Variants in CCDC187 observed in about 807,000 individuals in gnomAD.
CCDC187 encodes coiled-coil domain containing 187, also known as coiled-coil domain-containing protein 187.
Under a neutral mutation model 38.0 loss-of-function variants are expected in CCDC187, and 32 were observed. The observed-to-expected ratio is 0.84, with a 90% CI of 0.64 to 1.13. CCDC187 has a LOEUF of 1.13. CCDC187 is among the 50% of genes most tolerant of loss of function. The pLI, the probability that CCDC187 is intolerant of heterozygous loss-of-function variation, is 0.00. For synonymous variants in CCDC187, 333 were observed against 347.9 expected (o/e 0.96, Z 0.48); for missense variants, 707 against 786.8 (o/e 0.90, Z 1.21).
intron 18 of CCDC187, among the ~76,000 whole-genome samples, chr9:136,262,751 C>A (rs1554761144): frequency 2.0e-5 from 3 of 152,234 alleles, no homozygotes; most frequent in Non-Finnish European, 4.4e-5. Context: ...CCCTCTCCTG[C>A]AGCCCAGCCT....
chr9:136,267,601 G>A (rs976503726), intron 15 of CCDC187, 90 bp from the exon 16 acceptor site: 1 of 985,530 alleles, frequency 1.0e-6, no homozygotes, highest in Non-Finnish European at 1.2e-6. Context: ...CCGCGTCACC[G>A]CCTAGCTTCT....
chr9:136,289,563 G>A (rs2131299434), intron 7 of CCDC187, among the ~76,000 whole-genome samples: 1 of 151,230 alleles, frequency 6.6e-6, no homozygotes, highest in African/African-American at 2.4e-5. Context: ...ATCCGTCGAG[G>A]CAGAAAGGAG....
chr9:136,305,862 A>T (rs907857242), upstream of CCDC187, among the ~76,000 whole-genome samples: 1 of 152,042 alleles, frequency 6.6e-6, no homozygotes, highest in South Asian at 2.1e-4. Flanking sequence ...GCCCTGGGGG[A>T]CAGCGGAGCG....
upstream of CCDC187, among the ~76,000 whole-genome samples, chr9:136,306,515 C>T (rs1178610128): frequency 3.9e-5 from 6 of 152,186 alleles, no homozygotes; most frequent in South Asian, 2.1e-4. Flanking sequence ...CAGTGCACCA[C>T]GCGCCGTGGC....
Position 136,292,383 on chromosome 9 carries a change from G to A in CCDC187, c.833-88C>T, listed in dbSNP as rs1044970156. ...CGGGGAGGTTGGTGGCTCTGCAAGC[G>A]CCAGGAGGCCACTTCAACACTCCCA... On this transcript the variant is annotated intron_variant, in intron 4 of 25. Transcript: ENST00000638797. The A allele has an allele frequency of 1.4e-3, 549 of 397,808 alleles. 3 individuals carry two copies. The highest frequency in any genetic ancestry group is 0.01 in the African/African-American group (504 of 48,750). 24.6% of individuals were successfully genotyped at this position (397,808 alleles called of 1,614,324 possible). A position where few individuals can be genotyped will look rare whatever the true frequency, so the allele number is the denominator to read the frequency against.
rs1554759332 is a variant in CCDC187, at chr9:136,251,085, C to G, written c.*2509G>C. On this transcript the variant is annotated 3_prime_UTR_variant, in exon 26 of 26. Transcript: ENST00000638797. Reference sequence around the variant, plus strand: ...TGCTCCTCTCTGAAGTGGAGGAGGCCTGAGGCCCTGGACAGGAGAAGCCAC... The same window carrying G: ...TGCTCCTCTCTGAAGTGGAGGAGGCGTGAGGCCCTGGACAGGAGAAGCCAC... The G allele has an allele frequency of 2.2e-6, 1 of 453,202 alleles. No homozygotes were observed. The highest frequency in any genetic ancestry group is 4.5e-6 in the Non-Finnish European group (1 of 224,416). 28.1% of individuals were successfully genotyped at this position (453,202 alleles called of 1,614,324 possible).
rs1327447547 is a variant in CCDC187, at chr9:136,259,303, G to GT, written c.4296+59_4296+60insA. On this transcript the variant is annotated intron_variant, in intron 21 of 25. Transcript: ENST00000638797. ...AAGTCACAGATTGGCAGAATGTTGG[G>GT]GGGGGGTGGTCCCTGAAACAGGCGG... 9 of 683,494 alleles carry GT rather than the reference G, an allele frequency of 1.3e-5. 1 individual carries two copies. In the African/African-American group the frequency reaches 1.8e-4, roughly 14 times the overall value. The allele number at this position is 683,494 out of a possible 1,614,324, so 42.3% of individuals were successfully genotyped here.
chr9:136,289,045 A>G (rs1232167359), intron 7 of CCDC187, among the ~76,000 whole-genome samples: 2 of 152,240 alleles, frequency 1.3e-5, no homozygotes, highest in Non-Finnish European at 2.9e-5. Flanking sequence ...GGTTGTGAAG[A>G]AAAGGTCACC....
rs192003117 is a variant in CCDC187 at position 136,252,233 on chromosome 9, A to T, written c.*1361T>A. On this transcript the variant is annotated 3_prime_UTR_variant, in exon 26 of 26. Transcript: ENST00000638797. ...CCTGGGAAGAGCCGGCCGCCCACCC[A>T]GTCCACCCCGGGAAGGTCCAGGCGA... The T allele has an allele frequency of 3.8e-5, 2 of 52,392 alleles. No homozygotes were observed. Among genetic ancestry groups the T allele is most frequent in the East Asian group, 1.1e-3 (2 of 1,786 alleles). 3.2% of individuals were successfully genotyped at this position (52,392 alleles called of 1,614,324 possible). A position where few individuals can be genotyped will look rare whatever the true frequency, so the allele number is the denominator to read the frequency against.
chr9:136,256,758 G>A lies in CCDC187; in HGVS notation c.4450C>T (p.Arg1484Cys), dbSNP rs1484526573. ...TDSHVGSFRE[R>C]SRRSCGREGP... ...TCTCTGCCGCAGGAGCGTCGGCTGCGTTCCCTGAAGCTCCCCACATGGCTG... is the reference window on the plus strand; with the variant it reads ...TCTCTGCCGCAGGAGCGTCGGCTGCATTCCCTGAAGCTCCCCACATGGCTG... Residue 1484 changes from arginine (R) to cysteine (C), a missense_variant, in exon 23 of 26, where the codon CGC becomes TGC. Coordinates refer to ENST00000638797, the MANE Select transcript of CCDC187 (RefSeq NM_001378188.1). The A allele has an allele frequency of 3.9e-5, 6 of 152,210 alleles. No individual in the cohort carries two copies. Among genetic ancestry groups the A allele is most frequent in the Non-Finnish European group, 7.3e-5 (5 of 68,052 alleles). 9.4% of individuals were successfully genotyped at this position (152,210 alleles called of 1,614,324 possible).
intron 4 of CCDC187, among the ~76,000 whole-genome samples, chr9:136,293,713 TTCACATGCTC>T (rs1430017090): frequency 2.7e-5 from 4 of 146,730 alleles, no homozygotes; most frequent in Non-Finnish European, 6.0e-5. Flanking sequence ...GTCACATGCT[TTCACATGCTC>T]ACTCATGCAT....
chr9:136,255,793 G>T (rs967502983), intron 24 of CCDC187, 60 bp from the exon 25 acceptor site: 1 of 879,480 alleles, frequency 1.1e-6, no homozygotes, highest in Non-Finnish European at 1.4e-6. Flanking sequence ...CTCTTCCCCA[G>T]GGCCCACTGT....
intron 7 of CCDC187, among the ~76,000 whole-genome samples, chr9:136,289,124 G>A (rs1210423728): frequency 1.3e-5 from 2 of 152,140 alleles, no homozygotes; most frequent in South Asian, 2.1e-4. Context: ...ACATGAATGA[G>A]CCTGGAAAAC....
chr9:136,292,774 C>T (rs1831366742), intron 4 of CCDC187, among the ~76,000 whole-genome samples: 4 of 152,178 alleles, frequency 2.6e-5, no homozygotes, highest in Admixed American at 1.3e-4. Flanking sequence ...CCACGTGTGC[C>T]GAGCCACAGG....
rs981863102 is a variant in CCDC187 at position 136,290,658 on chromosome 9, C to T, written c.1955G>A (p.Arg652Gln). The T allele has an allele frequency of 3.5e-5, 14 of 398,384 alleles. No homozygotes were observed. In the South Asian group the frequency reaches 1.1e-3, roughly 33 times the overall value. The allele number at this position is 398,384 out of a possible 1,614,324, so 24.7% of individuals were successfully genotyped here. ...CGAGGCCTTCTCCTCCAGGGCCTGC[C>T]GCCGCCGGGCCTGCGCCTTCTGGCG... ...FMRQKAQARR[R>Q]QALEEKASAL... Residue 652 changes from arginine to glutamine, a missense_variant, in exon 6 of 26, where the codon CGG (arginine) becomes CAG (glutamine). Coordinates refer to ENST00000638797, the MANE Select transcript of CCDC187 (RefSeq NM_001378188.1).
At position 136,302,926 on chromosome 9, in the gene CCDC187, A is replaced by G. The variant is rs957340349; in HGVS notation, c.511T>C (p.Ser171Pro). The stretch of plus-strand genomic sequence containing the variant: ...CTGGAGGGGGCTGAGGTGCCCAGGG[A>G]CGCACAGCTCCCCTGCTGCCACGCC... ...AQAWQQGSCA[S>P]LGTSAPSSAS... The change falls in exon 2 of 26, where the codon TCC becomes CCC. Residue 171 changes from serine to proline, a missense_variant. By Grantham distance (74) the Ser-to-Pro change is moderately conservative (BLOSUM62 -1). Coordinates refer to ENST00000638797, the MANE Select transcript of CCDC187 (RefSeq NM_001378188.1). 16 of 398,460 alleles carry G rather than the reference A, an allele frequency of 4.0e-5. No homozygotes were observed. In the Admixed American group the frequency reaches 6.6e-4, roughly 16 times the overall value. 24.7% of individuals were successfully genotyped at this position (398,460 alleles called of 1,614,324 possible). A position where few individuals can be genotyped will look rare whatever the true frequency, so the allele number is the denominator to read the frequency against.
rs1306553351 is a variant in CCDC187, at chr9:136,258,546, G to A, written c.4366+386C>T. Among the ~76,000 whole-genome samples the A allele has an allele frequency of 6.6e-6, 1 of 152,144 alleles. No individual in the cohort carries two copies. Among genetic ancestry groups the A allele is most frequent in the African/African-American group, 2.4e-5 (1 of 41,418 alleles). Reference sequence around the variant, plus strand: ...AAATTGGGGACTTGGCTCTCGGGGGGGGCCCCGGCCAAGTGTAAGGTTCAG... The same window carrying A: ...AAATTGGGGACTTGGCTCTCGGGGGAGGCCCCGGCCAAGTGTAAGGTTCAG... On this transcript the variant is annotated intron_variant, in intron 22 of 25. Coordinates refer to ENST00000638797, the MANE Select transcript of CCDC187 (RefSeq NM_001378188.1). This position sits in a 1 kb window ranked among gnomAD's most constrained non-coding sequence, Gnocchi z 4.3.
intron 5 of CCDC187, among the ~76,000 whole-genome samples, 199 bp downstream of exon 5, chr9:136,291,962 T>C (rs1228866777): frequency 6.6e-6 from 1 of 152,216 alleles, no homozygotes; most frequent in Non-Finnish European, 1.5e-5. Flanking sequence ...GAAACCCTTT[T>C]CTCAGGCTTT....
At chr9:136,279,982 C>T (rs1006771390) in intron 10 of CCDC187, among the ~76,000 whole-genome samples, 6 of 152,232 alleles carry the variant, frequency 3.9e-5, no homozygotes, top group African/African-American at 1.4e-4. Context: ...TTGCCAGACA[C>T]CGGCATCTTG....
Sources: gnomAD v4.1 joint callset for allele counts (sites outside exome capture counted in the v4.1 genomes callset) on GRCh38, gnomAD v4.1.1 for gene constraint, Gnocchi (gnomAD v3.1) non-coding constraint, MANE v1.5 for transcripts, NCBI Gene and HGNC (gene_info 2026-07-23, HGNC 2026-07-21) for gene names.